The following TBC1D31 variants were observed in gnomAD, a reference collection of about 807,000 sequenced individuals.
The protein encoded by TBC1D31 is WD repeat domain 67.
A neutral mutation model predicts 132.9 loss-of-function variants in TBC1D31; 99 were observed. The ratio of observed to expected loss-of-function variants is 0.74; its 90% CI spans 0.63 to 0.88. The LOEUF (loss-of-function observed/expected upper bound fraction) is 0.88. TBC1D31 is among the 40% of genes least tolerant of loss of function. The probability of loss-of-function intolerance (pLI) is 0.00; values close to 1 mark genes in which losing one functional copy is unlikely to be tolerated. For missense variants in TBC1D31, 1,134 were observed against 1,256.6 expected (o/e 0.90, Z 1.48); for synonymous variants, 385 against 419.4 (o/e 0.92, Z 1.00).
chr8:123,146,260 C>T (rs1241738653), intron 20 of TBC1D31, among the ~76,000 whole-genome samples: 1 of 152,202 alleles, frequency 6.6e-6, no homozygotes, highest in East Asian at 1.9e-4. Context: ...GCCATCACCA[C>T]AAGCAAGTTT....
At chr8:123,148,814 C>T (rs62521806) in intron 20 of TBC1D31, among the ~76,000 whole-genome samples, 11,038 of 152,228 alleles carry the variant, frequency 0.073, 467 homozygotes, top group Non-Finnish European at 0.095. Flanking sequence ...ACCCCTCATA[C>T]ACCTGAGGTC....
chr8:123,131,191 C>T (rs1005367006), intron 16 of TBC1D31, among the ~76,000 whole-genome samples: 1 of 151,402 alleles, frequency 6.6e-6, no homozygotes, highest in African/African-American at 2.4e-5. Context: ...TGGTGAAACC[C>T]TGTCTCTACT....
intron 4 of TBC1D31, among the ~76,000 whole-genome samples, chr8:123,090,504 A>G (rs1816217829): frequency 6.6e-6 from 1 of 152,226 alleles, no homozygotes; most frequent in Non-Finnish European, 1.5e-5. Flanking sequence ...TGTGATGGAT[A>G]TCAGAAAACA....
At chr8:123,131,274 G>T (rs1305366913) in intron 16 of TBC1D31, among the ~76,000 whole-genome samples, 1 of 142,372 alleles carries the variant, frequency 7.0e-6, no homozygotes, top group Non-Finnish European at 1.5e-5. Context: ...TGAGGCAGGA[G>T]AATTGCTTGA....
At chr8:123,131,363 CAAAAAA>C (rs59929988) in intron 16 of TBC1D31, among the ~76,000 whole-genome samples, 2 of 64,912 alleles carry the variant, frequency 3.1e-5, no homozygotes, top group African/African-American at 1.1e-4. Flanking sequence ...GACTCAGTCT[CAAAAAA>C]AAAAAAAAAA....
chr8:123,085,949 C>T (rs1234258218), intron 4 of TBC1D31, among the ~76,000 whole-genome samples: 1 of 152,186 alleles, frequency 6.6e-6, no homozygotes, highest in Non-Finnish European at 1.5e-5. Context: ...AGCCACATAA[C>T]CAACCTCTCT....
chr8:123,095,255 T>C (rs1039900722), intron 5 of TBC1D31, among the ~76,000 whole-genome samples: 2 of 152,224 alleles, frequency 1.3e-5, no homozygotes, highest in African/African-American at 4.8e-5. Flanking sequence ...AGTTTTCTTT[T>C]GTGACGTCAG....
chr8:123,104,747 G>T (rs1817760206), intron 7 of TBC1D31, among the ~76,000 whole-genome samples: 1 of 152,122 alleles, frequency 6.6e-6, no homozygotes, highest in Non-Finnish European at 1.5e-5. Context: ...TGTCTGAACT[G>T]CTTAAGCTGT....
chr8:123,073,927 C>A (rs976892137), intron 1 of TBC1D31, among the ~76,000 whole-genome samples: 4 of 152,110 alleles, frequency 2.6e-5, no homozygotes, highest in Admixed American at 6.6e-5. Context: ...CTCAGGTGAT[C>A]CGCCTGTCTC....
chr8:123,127,507 A>C (rs973625357), intron 13 of TBC1D31, among the ~76,000 whole-genome samples: 1 of 151,364 alleles, frequency 6.6e-6, no homozygotes, highest in Non-Finnish European at 1.5e-5. Context: ...CCCTTACCTC[A>C]GATGATCCAC....
intron 8 of TBC1D31, among the ~76,000 whole-genome samples, chr8:123,106,474 A>T (rs1424933131): frequency 6.6e-6 from 1 of 152,324 alleles, no homozygotes; most frequent in East Asian, 1.9e-4. Context: ...ATTAGTTATG[A>T]TAATCTATTG....
chr8:123,145,535 G>A (rs576390064), intron 20 of TBC1D31, among the ~76,000 whole-genome samples: 11 of 152,098 alleles, frequency 7.2e-5, no homozygotes, highest in African/African-American at 2.7e-4. Flanking sequence ...GGCTTACAGT[G>A]GCATCAACTG....
intron 4 of TBC1D31, among the ~76,000 whole-genome samples, chr8:123,092,610 A>G (rs1816435201): frequency 6.6e-6 from 1 of 151,926 alleles, no homozygotes; most frequent in Non-Finnish European, 1.5e-5. Flanking sequence ...ATTTTGTGGG[A>G]GTAATATATA....
intron 11 of TBC1D31, among the ~76,000 whole-genome samples, chr8:123,122,794 A>G (rs1044892246): frequency 6.6e-6 from 1 of 152,240 alleles, no homozygotes. Flanking sequence ...ATCTTGTTAC[A>G]TAGCTAAAAT....
intron 17 of TBC1D31, among the ~76,000 whole-genome samples, chr8:123,140,205 CA>C (rs1821504902): frequency 6.6e-6 from 1 of 152,098 alleles, no homozygotes; most frequent in Admixed American, 6.5e-5. Context: ...ACTAAAAATA[CA>C]AAAAAGTTAA....
chr8:123,073,376 G>T (rs1186234376), intron 1 of TBC1D31: 9 of 456,220 alleles, frequency 2.0e-5, no homozygotes, highest in Non-Finnish European at 2.6e-5. Flanking sequence ...CTAAGCGCTG[G>T]GGACGGCGAT....
chr8:123,152,205 A>C (rs1157693073), downstream of TBC1D31: 1 of 284,746 alleles, frequency 3.5e-6, no homozygotes, highest in Non-Finnish European at 6.4e-6. Flanking sequence ...CAGTAACTTT[A>C]GTTGATAAAG....
In TBC1D31 at chr8:123,141,594, C is replaced by T. The variant is rs187373382; in HGVS notation, c.2641-668C>T. Among the ~76,000 whole-genome samples, 11 of 152,246 alleles carry T rather than the reference C, an allele frequency of 7.2e-5. No individual in the cohort carries two copies. In the East Asian group the frequency reaches 1.9e-3, roughly 27 times the overall value. ...CAAAATGTTAAATGGGTATGTGTAC[C>T]GGTCTGCTCCTATTCCAAAAACCAG... On this transcript the variant is annotated intron_variant, in intron 18 of 21. Coordinates refer to ENST00000287380, the MANE Select transcript of TBC1D31 (RefSeq NM_145647.4).
At position 123,090,169 on chromosome 8, in the gene TBC1D31, A is replaced by G. The variant is rs140968298; in HGVS notation, c.520-3422A>G. ...CCTTCATTTTAAATAGTTATTTTAA[A>G]GCTTTAATCCTAAAGGGTAGATATT... On this transcript the variant is annotated intron_variant, in intron 4 of 21. Transcript: ENST00000287380. 4.5e-3 allele frequency among the ~76,000 whole-genome samples: 687 copies of G among 152,338 alleles called. 5 individuals carry two copies. The highest frequency in any genetic ancestry group is 0.016 in the African/African-American group (649 of 41,564).
Sources: gnomAD v4.1 joint callset for allele counts (sites outside exome capture counted in the v4.1 genomes callset) on GRCh38, gnomAD v4.1.1 for gene constraint, MANE v1.5 for transcripts, NCBI Gene and HGNC (gene_info 2026-07-23, HGNC 2026-07-21) for gene names.